Variants in ACSBG2 observed in about 807,000 individuals in gnomAD.
ACSBG2 encodes the protein acyl-CoA synthetase bubblegum family member 2, also known as long-chain-fatty-acid--CoA ligase ACSBG2.
In ACSBG2, 62 loss-of-function variants were observed where a neutral mutation model predicts 74.7. That is an observed-to-expected ratio of 0.83 (90% CI 0.68 to 1.03). ACSBG2 has a LOEUF of 1.03. Ranked by LOEUF, ACSBG2 falls within the 50% of genes least tolerant of loss-of-function variation. The pLI is 0.00. For missense variants in ACSBG2, 730 were observed against 817.6 expected (o/e 0.89, Z 1.31); for synonymous variants, 309 against 294.1 (o/e 1.05, Z -0.52).
chr19:6,162,747 G>T (rs78820599), intron 6 of ACSBG2, among the ~76,000 whole-genome samples: 16,383 of 151,858 alleles, frequency 0.11, 1,689 homozygotes, highest in African/African-American at 0.27. Flanking sequence ...GGAGCTGTCC[G>T]ACGCCCTGTA....
At position 6,187,380 on chromosome 19, in the gene ACSBG2, A is replaced by G; in HGVS notation, c.1638A>G (p.Val546=). 6.2e-7 allele frequency: 1 copy of G among 1,614,168 alleles called. No homozygotes were observed. Among genetic ancestry groups the G allele is most frequent in the Admixed American group, 1.7e-5 (1 of 60,010 alleles). ...CCATCATCAGTAACGCCATGTTAGT[A>G]GGAGATAAACTGAAGTTTCTGAGCA... ...KIPIISNAML[V]GDKLKFLSML... The change falls in exon 12 of 15, where the codon GTA becomes GTG. Residue 546 remains valine, a synonymous_variant. Transcript: ENST00000588485.
intron 8 of ACSBG2, among the ~76,000 whole-genome samples, chr19:6,178,943 A>C (rs768190074): frequency 2.0e-4 from 31 of 152,228 alleles, no homozygotes; most frequent in Non-Finnish European, 4.4e-4. Context: ...GAGTTGTTCC[A>C]CTTTGAGGCA....
intron 7 of ACSBG2, chr19:6,176,111 G>C (rs559063927): frequency 1.1e-4 from 43 of 380,006 alleles, no homozygotes; most frequent in African/African-American, 8.2e-4. Context: ...AGGCAAGTTA[G>C]TTAAGGACTC....
In ACSBG2 at chr19:6,190,647, T is replaced by C. The variant is rs754715738; in HGVS notation, c.1991T>C (p.Met664Thr). The change falls in exon 14 of 15, where the codon ATG becomes ACG. Residue 664 changes from methionine to threonine, a missense_variant. By Grantham distance (81) the Met-to-Thr change is moderately conservative. Transcript: ENST00000588485. Reference protein sequence around the residue: ...AQKYKKQIDHMYH With the variant: ...AQKYKKQIDHTYH ...AAATACAAAAAACAAATTGATCACA[T>C]GTACCACTGACTGCTTTGATGGAGC... The C allele has an allele frequency of 3.1e-6, 5 of 1,614,004 alleles. No homozygotes were observed. In the African/African-American group the frequency reaches 4.0e-5, roughly 13 times the overall value.
rs1023602457 is a variant in ACSBG2, at chr19:6,147,777, C to T, written c.297+102C>T. 3.8e-5 allele frequency: 51 copies of T among 1,354,852 alleles called. No homozygotes were observed. The African/African-American group carries it at 6.6e-4, about 18-fold the overall frequency. 83.9% of individuals were successfully genotyped at this position (1,354,852 alleles called of 1,614,324 possible). On this transcript the variant is annotated intron_variant, in intron 3 of 14. Coordinates refer to ENST00000588485, the MANE Select transcript of ACSBG2 (RefSeq NM_030924.5). ...AAAATTCACAAGGCACCAAAAGATA[C>T]AAAGGTTAATTGGCGAAAATTTCCC...
chr19:6,151,782 G>T lies in ACSBG2; in HGVS notation c.373G>T (p.Ala125Ser). 6.3e-7 allele frequency: 1 copy of T among 1,594,678 alleles called. No homozygotes were observed. Among genetic ancestry groups the T allele is most frequent in the Non-Finnish European group, 8.5e-7 (1 of 1,170,214 alleles). ...AGAGTGGTTTATCACTGCTGTTGGTGCCATCCTAGCCGGGTAAGGTCATTG... is the reference window on the plus strand; with the variant it reads ...AGAGTGGTTTATCACTGCTGTTGGTTCCATCCTAGCCGGGTAAGGTCATTG... ...SAEWFITAVGAILAGGLCVGI... is the reference protein window; with the variant it reads ...SAEWFITAVGSILAGGLCVGI... The change falls in exon 4 of 15, where the codon GCC (alanine) becomes TCC (serine). Residue 125 changes from alanine (A) to serine (S), a missense_variant. Transcript: ENST00000588485.
Position 6,135,798 on chromosome 19 carries a change from G to A in ACSBG2, c.-143G>A, listed in dbSNP as rs2088541495. On this transcript the variant is annotated 5_prime_UTR_variant, in exon 1 of 15. Coordinates refer to ENST00000588485, the MANE Select transcript of ACSBG2 (RefSeq NM_030924.5). ...CAGCTCATGTTCAGGTTTCCAGGAG[G>A]GGCTACCTGTTGACTGTCTTTGCAG... 1.3e-5 allele frequency: 2 copies of A among 152,220 alleles called. No individual in the cohort carries two copies. Among genetic ancestry groups the A allele is most frequent in the South Asian group, 4.1e-4 (2 of 4,832 alleles). 9.4% of individuals were successfully genotyped at this position (152,220 alleles called of 1,614,324 possible).
chr19:6,152,251 T>G, intron 4 of ACSBG2, among the ~76,000 whole-genome samples: 1 of 151,644 alleles, frequency 6.6e-6, no homozygotes, highest in Non-Finnish European at 1.5e-5. Context: ...TAACTGGGAC[T>G]ATGAGCACAC....
chr19:6,140,351 C>A (rs1309062836), intron 1 of ACSBG2, among the ~76,000 whole-genome samples: 1 of 152,082 alleles, frequency 6.6e-6, no homozygotes, highest in East Asian at 1.9e-4. Flanking sequence ...CCCAGGGTAG[C>A]CCCGGAATCC....
intron 8 of ACSBG2, among the ~76,000 whole-genome samples, chr19:6,182,176 T>C (rs1351035492): frequency 1.3e-5 from 2 of 151,968 alleles, no homozygotes; most frequent in African/African-American, 2.4e-5. Flanking sequence ...TGCATTTCTA[T>C]ATAAATTTTA....
chr19:6,177,351 A>C lies in ACSBG2; in HGVS notation c.861A>C (p.Ile287=). ...AAQMMDIWVP[I]KIGALTYFAQ... ...AGATGATGGACATCTGGGTACCCAT[A>C]AAGATTGGGGCGCTCACATACTTTG... The change falls in exon 8 of 15, where the codon ATA becomes ATC. Residue 287 remains isoleucine (I), a synonymous_variant. Transcript: ENST00000588485. 1 of 1,611,940 alleles carries C rather than the reference A, an allele frequency of 6.2e-7. No individual in the cohort carries two copies. Among genetic ancestry groups the C allele is most frequent in the Non-Finnish European group, 8.5e-7 (1 of 1,179,248 alleles).
In ACSBG2 at chr19:6,190,672, C is replaced by T. The variant is rs777322942; in HGVS notation, c.*15C>T. The T allele has an allele frequency of 4.3e-6, 7 of 1,611,870 alleles. No individual in the cohort carries two copies. In the South Asian group the frequency reaches 7.7e-5, roughly 18 times the overall value. Reference sequence around the variant, plus strand: ...TGTACCACTGACTGCTTTGATGGAGCTGCTCTCAGCTGTTCTGATGGTGAG... The same window carrying T: ...TGTACCACTGACTGCTTTGATGGAGTTGCTCTCAGCTGTTCTGATGGTGAG... On this transcript the variant is annotated 3_prime_UTR_variant, in exon 14 of 15. Transcript: ENST00000588485.
In ACSBG2 at chr19:6,168,788, A is replaced by T. The variant is rs773236749; in HGVS notation, c.738+2773A>T. 2.6e-5 allele frequency among the ~76,000 whole-genome samples: 4 copies of T among 151,590 alleles called. 1 individual carries two copies. The highest frequency in any genetic ancestry group is 9.7e-5 in the African/African-American group (4 of 41,346). ...TGAATATTAGTCCTTTTTTATTTTT[A>T]TTTTTTTTGAAACAGAGTCTTGCTC... On this transcript the variant is annotated intron_variant, in intron 7 of 14. Transcript: ENST00000588485.
rs1480883593 is a variant in ACSBG2 at position 6,187,665 on chromosome 19, C to T, written c.1747C>T (p.Arg583Trp). Residue 583 changes from arginine (R) to tryptophan (W), a missense_variant, in exon 13 of 15, where the codon CGG (arginine) becomes TGG (tryptophan). Coordinates refer to ENST00000588485, the MANE Select transcript of ACSBG2 (RefSeq NM_030924.5). ...KLNFEAINFC[R>W]GLGSQASTVT... ...GAACTTCGAGGCCATCAACTTCTGT[C>T]GGGGTCTGGGCAGCCAGGCATCCAC... The T allele has an allele frequency of 8.1e-6, 13 of 1,613,952 alleles. No individual in the cohort carries two copies. Among genetic ancestry groups the T allele is most frequent in the Middle Eastern group, 1.6e-4 (1 of 6,084 alleles).
chr19:6,154,206 A>G (rs1364677615), intron 4 of ACSBG2, among the ~76,000 whole-genome samples: 2 of 151,768 alleles, frequency 1.3e-5, no homozygotes, highest in South Asian at 2.1e-4. Context: ...CAGCCTGACC[A>G]GCATGTAGAA....
At chr19:6,186,828 CTGAG>C (rs1423971414) in intron 11 of ACSBG2, among the ~76,000 whole-genome samples, 2 of 151,996 alleles carry the variant, frequency 1.3e-5, no homozygotes, top group Admixed American at 1.3e-4. Flanking sequence ...CCTCAGCCTC[CTGAG>C]TAACTAGGAC....
At chr19:6,189,245 G>GC (rs2090490873) in intron 13 of ACSBG2, among the ~76,000 whole-genome samples, 2 of 152,104 alleles carry the variant, frequency 1.3e-5, no homozygotes, top group African/African-American at 4.8e-5. Context: ...GTAGCTTGCT[G>GC]CCACCCCCAT....
chr19:6,164,477 G>C (rs2089734116), intron 6 of ACSBG2, among the ~76,000 whole-genome samples: 2 of 148,238 alleles, frequency 1.3e-5, no homozygotes. Context: ...CTGTTGCCCA[G>C]GCTGGAGTGC....
chr19:6,177,061 T>A (rs1162034296), intron 7 of ACSBG2, among the ~76,000 whole-genome samples, 168 bp from the exon 8 acceptor site: 5 of 151,942 alleles, frequency 3.3e-5, no homozygotes, highest in Non-Finnish European at 5.9e-5. Context: ...CTCAGGAGGC[T>A]GAGATGGGAA....
Sources: gnomAD v4.1 joint callset for allele counts (sites outside exome capture counted in the v4.1 genomes callset) on GRCh38, gnomAD v4.1.1 for gene constraint, MANE v1.5 for transcripts, NCBI Gene and HGNC (gene_info 2026-07-23, HGNC 2026-07-21) for gene names.